The following CSMD2 variants were observed in gnomAD, a reference collection of about 807,000 sequenced individuals.
CSMD2 encodes the protein CUB and Sushi multiple domains 2.
CSMD2 carries 130 observed loss-of-function variants against 398.5 expected under a neutral mutation model. The ratio of observed to expected loss-of-function variants is 0.33; its 90% confidence interval spans 0.28 to 0.38. CSMD2 has a LOEUF of 0.38. CSMD2 is among the 10% of genes least tolerant of loss of function. The pLI, the probability that CSMD2 is intolerant of heterozygous loss-of-function variation, is 1.00. For synonymous variants in CSMD2, 1,828 were observed against 1,908.5 expected (o/e 0.96, Z 1.10); for missense variants, 3,829 against 4,764.9 (o/e 0.80, Z 5.78).
At chr1:33,527,173 C>T in intron 65 of CSMD2, 23 bp downstream of exon 65, 1 of 1,607,822 alleles carries the variant, frequency 6.2e-7, no homozygotes, top group Non-Finnish European at 8.5e-7. Flanking sequence ...GTTTCTTGAG[C>T]CAATGATCTG....
intron 3 of CSMD2, among the ~76,000 whole-genome samples, chr1:33,946,927 G>A (rs930629872): frequency 2.6e-5 from 4 of 151,950 alleles, no homozygotes; most frequent in Non-Finnish European, 5.9e-5. Flanking sequence ...GAGCCACCCC[G>A]CCCGGCCACC....
At chr1:33,741,203 AAGTTGACTTGAAATCTAG>A (rs1647054040) in intron 14 of CSMD2, among the ~76,000 whole-genome samples, 1 of 152,162 alleles carries the variant, frequency 6.6e-6, no homozygotes, top group East Asian at 1.9e-4. Flanking sequence ...AAGTCAACAT[AAGTTGACTTGAAATCTAG>A]AGTGCCTGCT....
At chr1:33,601,156 TACCTCTCCCA>T in intron 43 of CSMD2, 146 bp from the exon 44 acceptor site, 1 of 1,050,218 alleles carries the variant, frequency 9.5e-7, no homozygotes, top group East Asian at 2.5e-5. Context: ...ATGCCCTAAA[TACCTCTCCCA>T]ACCGTTCCCA....
Position 33,559,603 on chromosome 1 carries a change from G to C in CSMD2, c.8381-130C>G. The C allele has an allele frequency of 8.8e-6, 7 of 795,130 alleles. No individual in the cohort carries two copies. Among genetic ancestry groups the C allele is most frequent in the Non-Finnish European group, 1.4e-5 (7 of 505,658 alleles). 49.3% of individuals were successfully genotyped at this position (795,130 alleles called of 1,614,324 possible). ...CCTAAGTCTAACTTCAATCTCTTTT[G>C]CTGTAAAACCTTTATAAACTGAAAT... On this transcript the variant is annotated intron_variant, in intron 53 of 70. Transcript: ENST00000373381. This position sits in a 1 kb window ranked among gnomAD's most constrained non-coding sequence, Gnocchi z 4.0.
Position 34,107,353 on chromosome 1 carries a change from C to T in CSMD2, c.188-18160G>A, listed in dbSNP as rs190257820. 1.9e-3 allele frequency among the ~76,000 whole-genome samples: 284 copies of T among 152,158 alleles called. 1 individual carries two copies. The highest frequency in any genetic ancestry group is 6.4e-3 in the African/African-American group (265 of 41,510). On this transcript the variant is annotated intron_variant, in intron 1 of 70. Coordinates refer to ENST00000373381, the MANE Select transcript of CSMD2 (RefSeq NM_001281956.2). ...GTGCTTCCTGCCCTCATGGAGCTTA[C>T]GGTATAATAATAATAATATATTATT...
intron 1 of CSMD2, among the ~76,000 whole-genome samples, chr1:34,154,975 C>G (rs1217802939): frequency 6.6e-6 from 1 of 152,190 alleles, no homozygotes; most frequent in African/African-American, 2.4e-5. Context: ...ATCTGCCTGC[C>G]TCAGCCTCCC....
chr1:33,828,221 A>G (rs1659043762), intron 6 of CSMD2, among the ~76,000 whole-genome samples: 1 of 152,254 alleles, frequency 6.6e-6, no homozygotes, highest in African/African-American at 2.4e-5. Context: ...TAACATGGAC[A>G]CACGATCAAA....
chr1:34,038,106 C>T (rs1425054127), intron 2 of CSMD2, among the ~76,000 whole-genome samples: 1 of 152,164 alleles, frequency 6.6e-6, no homozygotes, highest in Non-Finnish European at 1.5e-5. Context: ...TGAATCATCG[C>T]TCCCCCACCC....
chr1:33,638,062 G>A (rs980956621), intron 29 of CSMD2, among the ~76,000 whole-genome samples: 2 of 152,082 alleles, frequency 1.3e-5, no homozygotes, highest in African/African-American at 2.4e-5. Context: ...ACCTTAAGTC[G>A]TTGCCCGCAG....
At chr1:33,666,891 T>G (rs1243881090) in intron 25 of CSMD2, among the ~76,000 whole-genome samples, 1 of 151,942 alleles carries the variant, frequency 6.6e-6, no homozygotes, top group Non-Finnish European at 1.5e-5. Flanking sequence ...AAGACATCGG[T>G]GTGGGCCACA....
intron 5 of CSMD2, among the ~76,000 whole-genome samples, chr1:33,853,359 T>G (rs1368716270): frequency 6.6e-6 from 1 of 152,214 alleles, no homozygotes; most frequent in East Asian, 1.9e-4. Flanking sequence ...CTCATGTAAT[T>G]TACCCAGTGG....
chr1:34,021,019 C>A (rs369490657), intron 3 of CSMD2, among the ~76,000 whole-genome samples: 1 of 152,114 alleles, frequency 6.6e-6, no homozygotes, highest in Non-Finnish European at 1.5e-5. Flanking sequence ...CTACCTAATG[C>A]GGTAAGTGCT....
intron 5 of CSMD2, among the ~76,000 whole-genome samples, chr1:33,880,859 T>C (rs1164239230): frequency 2.6e-5 from 4 of 152,202 alleles, no homozygotes; most frequent in Non-Finnish European, 5.9e-5. Flanking sequence ...TTTCAGCATC[T>C]CTGGGCTCAT....
intron 43 of CSMD2, among the ~76,000 whole-genome samples, chr1:33,601,880 G>A (rs1452164789): frequency 1.3e-5 from 2 of 152,310 alleles, no homozygotes; most frequent in Non-Finnish European, 2.9e-5. Context: ...TGTAGCCAGT[G>A]GCTACCATAT....
intron 33 of CSMD2, among the ~76,000 whole-genome samples, chr1:33,625,647 A>G (rs1289096305): frequency 2.0e-5 from 3 of 152,058 alleles, no homozygotes; most frequent in African/African-American, 7.2e-5. Flanking sequence ...ATGTGCCTTA[A>G]GATCCTGCCT....
intron 13 of CSMD2, among the ~76,000 whole-genome samples, chr1:33,770,064 C>T (rs1189253987): frequency 1.3e-5 from 2 of 152,198 alleles, no homozygotes; most frequent in Middle Eastern, 6.3e-3. Context: ...TTAACATTGT[C>T]TCTCAATCGA....
intron 7 of CSMD2, among the ~76,000 whole-genome samples, chr1:33,820,983 G>C (rs2358509): frequency 0.48 from 73,079 of 151,952 alleles, 18,192 homozygotes; most frequent in East Asian, 0.63. Flanking sequence ...ATGACTCAAA[G>C]AAAGTTAAAT....
At chr1:33,579,223 T>C (rs910864008) in intron 48 of CSMD2, among the ~76,000 whole-genome samples, 6 of 152,210 alleles carry the variant, frequency 3.9e-5, no homozygotes, top group South Asian at 2.1e-4. Context: ...AACTGCTATA[T>C]TTCCTGTTTG....
chr1:33,681,339 G>A (rs1360777432), intron 25 of CSMD2, among the ~76,000 whole-genome samples: 2 of 151,998 alleles, frequency 1.3e-5, no homozygotes, highest in Admixed American at 6.5e-5. Context: ...TCTATGGGTG[G>A]TTTTCTTTAA....
Sources: gnomAD v4.1 joint callset for allele counts (sites outside exome capture counted in the v4.1 genomes callset) on GRCh38, gnomAD v4.1.1 for gene constraint, Gnocchi (gnomAD v3.1) non-coding constraint, MANE v1.5 for transcripts, NCBI Gene and HGNC (gene_info 2026-07-23, HGNC 2026-07-21) for gene names.